VAV3: variants seen among roughly 807,000 people sequenced by gnomAD.
VAV3 encodes guanine nucleotide exchange factor VAV3.
Under a neutral mutation model 131.2 loss-of-function variants are expected in VAV3, and 94 were observed. The observed-to-expected ratio is 0.72, with a 90% CI of 0.61 to 0.85. The LOEUF is 0.85. Among genes scored for constraint, VAV3 ranks in the 40% least tolerant of loss-of-function variants. VAV3 has a pLI of 0.00. For synonymous variants in VAV3, 349 were observed against 342.0 expected (o/e 1.02, Z -0.22); for missense variants, 939 against 1,002.7 (o/e 0.94, Z 0.86).
chr1:107,881,590 G>T (rs577152355), intron 1 of VAV3, among the ~76,000 whole-genome samples: 11 of 152,244 alleles, frequency 7.2e-5, no homozygotes, highest in African/African-American at 2.4e-4. Flanking sequence ...ACAACCATGC[G>T]TAGCCTCTCT....
chr1:107,784,061 A>AATAT (rs10539411), intron 2 of VAV3, among the ~76,000 whole-genome samples: 112 of 148,746 alleles, frequency 7.5e-4, no homozygotes, highest in African/African-American at 2.5e-3. Flanking sequence ...CCCTATCTCA[A>AATAT]ATATATATAT....
intron 15 of VAV3, among the ~76,000 whole-genome samples, chr1:107,741,805 T>C (rs1345503445): frequency 6.6e-6 from 1 of 152,140 alleles, no homozygotes; most frequent in African/African-American, 2.4e-5. Context: ...AGGCCCCAAA[T>C]ACCATATGAC....
intron 1 of VAV3, among the ~76,000 whole-genome samples, chr1:107,931,457 T>C (rs1673435261): frequency 6.6e-6 from 1 of 152,198 alleles, no homozygotes; most frequent in African/African-American, 2.4e-5. Flanking sequence ...TAAAGGGGTA[T>C]AGTTGAAGCA....
At chr1:107,673,228 T>C (rs1657949856) in intron 19 of VAV3, among the ~76,000 whole-genome samples, 1 of 152,182 alleles carries the variant, frequency 6.6e-6, no homozygotes, top group Non-Finnish European at 1.5e-5. Flanking sequence ...TTTCAACCAG[T>C]CCTAGCTGCC....
chr1:107,741,755 A>C (rs1001871088), intron 15 of VAV3, among the ~76,000 whole-genome samples: 12 of 152,188 alleles, frequency 7.9e-5, no homozygotes, highest in Admixed American at 5.2e-4. Context: ...CTAAAACTGG[A>C]ATCTGGGCTA....
chr1:107,871,057 C>T (rs1190579400), intron 2 of VAV3, among the ~76,000 whole-genome samples: 1 of 152,146 alleles, frequency 6.6e-6, no homozygotes, highest in East Asian at 1.9e-4. Context: ...GTGAGTTAAT[C>T]ATAAACTGAC....
intron 1 of VAV3, among the ~76,000 whole-genome samples, chr1:107,921,104 T>C (rs1188893925): frequency 2.6e-5 from 4 of 152,222 alleles, no homozygotes; most frequent in Admixed American, 2.0e-4. Context: ...ATTATTTTCC[T>C]ACTTAAAATC....
In VAV3 at chr1:107,854,298, A is replaced by G. The variant is rs905304938; in HGVS notation, c.321+20603T>C. 3.9e-5 allele frequency among the ~76,000 whole-genome samples: 6 copies of G among 152,336 alleles called. No homozygotes were observed. In the East Asian group the frequency reaches 1.2e-3, roughly 29 times the overall value. ...GCATTCCAACTTGGGCAACAGAGCA[A>G]GACTCTGCCTAAAAAAATAAAATAA... On this transcript the variant is annotated intron_variant, in intron 2 of 26. Transcript: ENST00000370056.
At chr1:107,654,494 T>C (rs1656398967) in intron 19 of VAV3, among the ~76,000 whole-genome samples, 1 of 152,104 alleles carries the variant, frequency 6.6e-6, no homozygotes, top group South Asian at 2.1e-4. Flanking sequence ...ATATTTGAAA[T>C]GTAGGTGAAT....
chr1:107,775,726 C>G (rs1231476217), intron 4 of VAV3, among the ~76,000 whole-genome samples: 1 of 151,876 alleles, frequency 6.6e-6, no homozygotes, highest in Non-Finnish European at 1.5e-5. Flanking sequence ...CACTATCTTG[C>G]TTACTGTTGG....
chr1:107,911,476 T>G (rs1476014454), intron 1 of VAV3, among the ~76,000 whole-genome samples: 1 of 152,234 alleles, frequency 6.6e-6, no homozygotes, highest in Non-Finnish European at 1.5e-5. Flanking sequence ...CAGATAAATT[T>G]TGAATGTGTT....
chr1:107,892,784 C>T (rs1671372725), intron 1 of VAV3, among the ~76,000 whole-genome samples: 1 of 152,192 alleles, frequency 6.6e-6, no homozygotes, highest in South Asian at 2.1e-4. Flanking sequence ...TCATGTCATA[C>T]TCTCCATGCC....
At chr1:107,863,160 A>G (rs1192654429) in intron 2 of VAV3, among the ~76,000 whole-genome samples, 1 of 152,186 alleles carries the variant, frequency 6.6e-6, no homozygotes, top group Non-Finnish European at 1.5e-5. Context: ...TTCCCTTGCA[A>G]TAAACCCTAC....
chr1:107,716,869 G>A (rs1288824369), intron 15 of VAV3, among the ~76,000 whole-genome samples: 3 of 152,056 alleles, frequency 2.0e-5, no homozygotes, highest in African/African-American at 4.8e-5. Flanking sequence ...GTCTGGTCCT[G>A]GACTCTTTTT....
intron 1 of VAV3, among the ~76,000 whole-genome samples, chr1:107,947,383 T>C (rs1459629705): frequency 2.4e-5 from 2 of 84,438 alleles, no homozygotes; most frequent in Non-Finnish European, 5.0e-5. Context: ...AGCGAAGTTA[T>C]AGAGTTCTAA....
intron 1 of VAV3, among the ~76,000 whole-genome samples, chr1:107,942,547 A>G (rs1674051450): frequency 6.6e-6 from 1 of 152,034 alleles, no homozygotes; most frequent in Non-Finnish European, 1.5e-5. Flanking sequence ...TTTCCTTTTT[A>G]TATCTGTGTA....
At chr1:107,947,155 T>C (rs1394702369) in intron 1 of VAV3, among the ~76,000 whole-genome samples, 7 of 152,356 alleles carry the variant, frequency 4.6e-5, no homozygotes, top group Non-Finnish European at 8.8e-5. Context: ...TAGAGATCAC[T>C]GAGTTTATCA....
intron 15 of VAV3, among the ~76,000 whole-genome samples, chr1:107,744,818 G>A (rs1024221232): frequency 6.6e-6 from 1 of 152,166 alleles, no homozygotes; most frequent in Non-Finnish European, 1.5e-5. Context: ...TCTGAGTCCA[G>A]TTGCTTACTT....
At chr1:107,916,690 G>A (rs1672635988) in intron 1 of VAV3, among the ~76,000 whole-genome samples, 1 of 152,184 alleles carries the variant, frequency 6.6e-6, no homozygotes, top group South Asian at 2.1e-4. Flanking sequence ...TTCTGGGATG[G>A]TTGGAGTGTC....
Sources: gnomAD v4.1 joint callset for allele counts (sites outside exome capture counted in the v4.1 genomes callset) on GRCh38, gnomAD v4.1.1 for gene constraint, MANE v1.5 for transcripts, NCBI Gene and HGNC (gene_info 2026-07-23, HGNC 2026-07-21) for gene names.